Variants in HEATR5B observed in about 807,000 individuals in gnomAD.
HEATR5B encodes the protein HEAT repeat containing 5B.
In HEATR5B, 156 loss-of-function variants were observed where a neutral mutation model predicts 224.1. That is an observed-to-expected ratio of 0.70 (90% CI 0.61 to 0.80). The LOEUF (loss-of-function observed/expected upper bound fraction) is 0.80, where lower values mean the gene tolerates loss of function less well. Ranked by LOEUF, HEATR5B falls within the 30% of genes least tolerant of loss-of-function variation. HEATR5B has a pLI of 0.00. For missense variants in HEATR5B, 2,323 were observed against 2,535.5 expected (o/e 0.92, Z 1.80); for synonymous variants, 1,027 against 893.0 (o/e 1.15, Z -2.68).
intron 35 of HEATR5B, among the ~76,000 whole-genome samples, chr2:36,984,528 C>T (rs890697618): frequency 2.0e-5 from 3 of 151,254 alleles, no homozygotes; most frequent in Non-Finnish European, 2.9e-5. Flanking sequence ...GAGTGAGCTA[C>T]GCAATTAGGC....
At chr2:37,040,181 T>C in intron 20 of HEATR5B, 148 bp downstream of exon 20, 1 of 622,574 alleles carries the variant, frequency 1.6e-6, no homozygotes, top group South Asian at 2.2e-5. Context: ...TGTAAAAAGC[T>C]GAGTGCCAGG....
chr2:36,999,873 G>A (rs1408632405), intron 33 of HEATR5B, among the ~76,000 whole-genome samples: 1 of 151,062 alleles, frequency 6.6e-6, no homozygotes, highest in Non-Finnish European at 1.5e-5. Context: ...TTAACCGGGT[G>A]TGTTGGCAGG....
At chr2:37,059,698 G>A (rs1459811757) in intron 12 of HEATR5B, among the ~76,000 whole-genome samples, 1 of 151,650 alleles carries the variant, frequency 6.6e-6, no homozygotes, top group Non-Finnish European at 1.5e-5. Context: ...TCCTGAGAGT[G>A]ATCCACCCGC....
intron 18 of HEATR5B, among the ~76,000 whole-genome samples, chr2:37,047,845 T>G (rs1412299707): frequency 6.6e-6 from 1 of 152,188 alleles, no homozygotes; most frequent in African/African-American, 2.4e-5. Flanking sequence ...CTGAAGTTTT[T>G]CCAAAATACA....
At chr2:37,069,900 C>CT (rs11372186) in intron 7 of HEATR5B, among the ~76,000 whole-genome samples, 135,997 of 140,480 alleles carry the variant, frequency 0.97, 65,838 homozygotes, top group African/African-American at 0.98. Context: ...TGAACAAAAT[C>CT]TTTTTTTTTT....
At position 37,064,025 on chromosome 2, in the gene HEATR5B, G is replaced by A. The variant is rs1572920465; in HGVS notation, c.1584+715C>T. 2.0e-5 allele frequency among the ~76,000 whole-genome samples: 3 copies of A among 152,180 alleles called. No individual in the cohort carries two copies. The East Asian group carries it at 5.8e-4, about 29-fold the overall frequency. On this transcript the variant is annotated intron_variant, in intron 10 of 35. Transcript: ENST00000233099. ...GACAAGGTTTCACCATGTTAACCAG[G>A]CTGGTGTCAAACTCCTGATCTCAAA...
At chr2:36,992,881 T>G (rs1236787530) in intron 33 of HEATR5B, among the ~76,000 whole-genome samples, 1 of 151,916 alleles carries the variant, frequency 6.6e-6, no homozygotes, top group Non-Finnish European at 1.5e-5. Context: ...TGCACCACCA[T>G]GTACAGCTGA....
intron 33 of HEATR5B, among the ~76,000 whole-genome samples, chr2:36,995,349 T>A (rs1467753215): frequency 6.6e-6 from 1 of 151,964 alleles, no homozygotes; most frequent in African/African-American, 2.4e-5. Context: ...TTGGCCTCCT[T>A]TGGGATTACA....
intron 24 of HEATR5B, among the ~76,000 whole-genome samples, chr2:37,027,175 T>C (rs969963360): frequency 2.0e-5 from 3 of 152,188 alleles, no homozygotes; most frequent in African/African-American, 7.2e-5. Context: ...AAAGGCATTT[T>C]CAATTCATAG....
intron 4 of HEATR5B, chr2:37,076,080 G>A (rs1672210705): frequency 6.5e-6 from 1 of 153,236 alleles, no homozygotes. Context: ...TCATCTTCTT[G>A]TGACTAACTC....
At chr2:37,070,499 G>A (rs952242955) in intron 6 of HEATR5B, 112 bp from the exon 7 acceptor site, 1 of 775,086 alleles carries the variant, frequency 1.3e-6, no homozygotes, top group Non-Finnish European at 2.0e-6. Flanking sequence ...AAATGGTTTA[G>A]TTTCCTTATA....
At chr2:37,004,842 C>T (rs1463869275) in intron 30 of HEATR5B, among the ~76,000 whole-genome samples, 2 of 152,112 alleles carry the variant, frequency 1.3e-5, no homozygotes, top group Admixed American at 6.5e-5. Context: ...CTTTCTTCTT[C>T]CTTTATTCAG....
chr2:36,994,386 A>G (rs1445611869), intron 33 of HEATR5B, among the ~76,000 whole-genome samples: 1 of 152,238 alleles, frequency 6.6e-6, no homozygotes, highest in African/African-American at 2.4e-5. Context: ...ACATGTTCAC[A>G]TGCATACATA....
chr2:36,995,403 A>G (rs559010477), intron 33 of HEATR5B, among the ~76,000 whole-genome samples: 41 of 152,288 alleles, frequency 2.7e-4, no homozygotes, highest in African/African-American at 9.1e-4. Context: ...CTATCTATAC[A>G]CACATATACA....
rs776049879 is a variant in HEATR5B, at chr2:37,037,808, A to G, written c.3216+47T>C. 4 of 1,357,668 alleles carry G rather than the reference A, an allele frequency of 2.9e-6. No homozygotes were observed. In the South Asian group the frequency reaches 8.6e-5, roughly 29 times the overall value. The allele number at this position is 1,357,668 out of a possible 1,614,324, so 84.1% of individuals were successfully genotyped here. A position where few individuals can be genotyped will look rare whatever the true frequency, so the allele number is the denominator to read the frequency against. The stretch of plus-strand genomic sequence containing the variant: ...CCATAAAAAATTTTTTAAATGTAAA[A>G]TAAAATACAACTTAAAAATCAATGA... On this transcript the variant is annotated intron_variant, in intron 21 of 35. Transcript: ENST00000233099.
At chr2:37,025,102 G>C (rs890313166) in intron 24 of HEATR5B, among the ~76,000 whole-genome samples, 9 of 152,044 alleles carry the variant, frequency 5.9e-5, no homozygotes, top group African/African-American at 2.2e-4. Context: ...ACATTTATTG[G>C]GTCTATACTT....
At chr2:37,027,838 T>G in intron 24 of HEATR5B, 85 bp downstream of exon 24, 1 of 1,350,588 alleles carries the variant, frequency 7.4e-7, no homozygotes, top group African/African-American at 1.5e-5. Context: ...GCACGCTATA[T>G]CTGTCGCAGT....
At chr2:37,081,727 A>G (rs1672582612) in intron 2 of HEATR5B, among the ~76,000 whole-genome samples, 1 of 152,204 alleles carries the variant, frequency 6.6e-6, no homozygotes, top group African/African-American at 2.4e-5. Context: ...AGAAGAGTCC[A>G]GGCACAGTTG....
intron 33 of HEATR5B, among the ~76,000 whole-genome samples, chr2:36,993,597 C>T (rs1666487724): frequency 6.6e-6 from 1 of 150,828 alleles, no homozygotes; most frequent in Non-Finnish European, 1.5e-5. Flanking sequence ...GAGAAAGTCT[C>T]AAAGTATTTC....
Sources: allele counts gnomAD v4.1 joint callset (sites outside exome capture counted in the v4.1 genomes callset), GRCh38; gene constraint gnomAD v4.1.1; transcripts MANE v1.5; gene names NCBI Gene and HGNC (gene_info 2026-07-23, HGNC 2026-07-21).